OXR1: variants seen among roughly 807,000 people sequenced by gnomAD.
The protein encoded by OXR1 is oxidation resistance protein 1.
A neutral mutation model predicts 104.6 loss-of-function variants in OXR1; 41 were observed. That is an observed-to-expected ratio of 0.39 (90% CI 0.31 to 0.51). The LOEUF is 0.51. Ranked by LOEUF, OXR1 falls within the 20% of genes least tolerant of loss-of-function variation. The pLI is 0.77. For synonymous variants in OXR1, 348 were observed against 348.4 expected (o/e 1.00, Z 0.01); for missense variants, 955 against 1,031.9 (o/e 0.93, Z 1.02).
intron 1 of OXR1, among the ~76,000 whole-genome samples, chr8:106,304,964 G>A (rs1813412483): frequency 6.6e-6 from 1 of 151,982 alleles, no homozygotes; most frequent in African/African-American, 2.4e-5. Context: ...CTTATTTTTG[G>A]TTGAGAAAAA....
intron 2 of OXR1, among the ~76,000 whole-genome samples, chr8:106,448,349 A>G (rs1820116800): frequency 6.6e-6 from 1 of 152,160 alleles, no homozygotes; most frequent in Non-Finnish European, 1.5e-5. Flanking sequence ...TCGTATTTTT[A>G]AATGCTGTTT....
chr8:106,429,676 AT>A (rs1297983786), intron 2 of OXR1, among the ~76,000 whole-genome samples: 1 of 148,358 alleles, frequency 6.7e-6, no homozygotes, highest in African/African-American at 2.6e-5. Context: ...AAAAAAAAAA[AT>A]GCTTACTTTA....
chr8:106,277,007 A>G (rs954040697), intron 1 of OXR1, among the ~76,000 whole-genome samples: 20 of 152,276 alleles, frequency 1.3e-4, no homozygotes, highest in African/African-American at 4.6e-4. Flanking sequence ...AAGTTTATAG[A>G]TGTTTTTATA....
At chr8:106,667,506 A>G (rs1311547771) in intron 3 of OXR1, among the ~76,000 whole-genome samples, 1 of 152,176 alleles carries the variant, frequency 6.6e-6, no homozygotes, top group African/African-American at 2.4e-5. Context: ...GTGACTTACA[A>G]TGAAAAGTTC....
chr8:106,281,099 T>C (rs1812261373), intron 1 of OXR1, among the ~76,000 whole-genome samples: 1 of 152,060 alleles, frequency 6.6e-6, no homozygotes, highest in Non-Finnish European at 1.5e-5. Flanking sequence ...GCAGAAACTA[T>C]AGGGCCCACG....
At chr8:106,673,082 C>T (rs2131172233) in intron 3 of OXR1, among the ~76,000 whole-genome samples, 1 of 148,504 alleles carries the variant, frequency 6.7e-6, no homozygotes, top group East Asian at 1.9e-4. Context: ...AACTGGGTAA[C>T]AGGCAGAGGT....
chr8:106,428,889 C>T (rs950442112), intron 2 of OXR1, among the ~76,000 whole-genome samples: 2 of 152,064 alleles, frequency 1.3e-5, no homozygotes, highest in Admixed American at 6.6e-5. Context: ...ACAGTATATA[C>T]GAGACTCATG....
At chr8:106,329,503 A>G (rs556359345) in intron 1 of OXR1, among the ~76,000 whole-genome samples, 1 of 151,392 alleles carries the variant, frequency 6.6e-6, no homozygotes, top group South Asian at 2.1e-4. Flanking sequence ...GCCCTCCACC[A>G]CGCCTGGCTA....
At chr8:106,644,071 A>G (rs1475195853) in intron 3 of OXR1, among the ~76,000 whole-genome samples, 1 of 144,140 alleles carries the variant, frequency 6.9e-6, no homozygotes, top group Non-Finnish European at 1.5e-5. Context: ...AAAGATATTT[A>G]TTGAGAGAAT....
chr8:106,294,313 C>T (rs1445999273), intron 1 of OXR1, among the ~76,000 whole-genome samples: 4 of 143,650 alleles, frequency 2.8e-5, no homozygotes, highest in Non-Finnish European at 6.0e-5. Context: ...GGAGAATTAA[C>T]GTGAACTTGG....
chr8:106,669,119 A>G (rs1182895931), intron 3 of OXR1, among the ~76,000 whole-genome samples: 1 of 152,228 alleles, frequency 6.6e-6, no homozygotes, highest in Non-Finnish European at 1.5e-5. Flanking sequence ...GTATGAGACC[A>G]AGAGGAGTGT....
At chr8:106,715,253 C>A (rs1832119892) in intron 11 of OXR1, among the ~76,000 whole-genome samples, 1 of 151,578 alleles carries the variant, frequency 6.6e-6, no homozygotes, top group Non-Finnish European at 1.5e-5. Context: ...TTCAAAAGGG[C>A]AAAACTAGTC....
At chr8:106,467,638 C>T (rs1821244964) in intron 2 of OXR1, among the ~76,000 whole-genome samples, 1 of 151,854 alleles carries the variant, frequency 6.6e-6, no homozygotes, top group Non-Finnish European at 1.5e-5. Context: ...GACATTATCT[C>T]ATTAATCAAG....
At chr8:106,676,865 C>T (rs761904674) in intron 3 of OXR1, among the ~76,000 whole-genome samples, 1 of 151,814 alleles carries the variant, frequency 6.6e-6, no homozygotes, top group Non-Finnish European at 1.5e-5. Flanking sequence ...GTAATTATTG[C>T]ATAATATTTT....
At chr8:106,516,787 A>C (rs552670060) in intron 2 of OXR1, among the ~76,000 whole-genome samples, 2 of 152,302 alleles carry the variant, frequency 1.3e-5, no homozygotes, top group African/African-American at 4.8e-5. Context: ...TAAGAGAGAG[A>C]AAGAGAGAGA....
intron 9 of OXR1, among the ~76,000 whole-genome samples, chr8:106,709,018 C>G (rs1831434633): frequency 1.3e-5 from 2 of 151,872 alleles, no homozygotes; most frequent in African/African-American, 2.4e-5. Context: ...ATACTTGAAC[C>G]AAGTTCTATA....
chr8:106,496,938 G>A (rs919365849), intron 2 of OXR1, among the ~76,000 whole-genome samples: 1 of 152,140 alleles, frequency 6.6e-6, no homozygotes, highest in African/African-American at 2.4e-5. Context: ...AAGACTGGGA[G>A]GGTCAAGGAA....
At chr8:106,316,565 C>A (rs892027360) in intron 1 of OXR1, among the ~76,000 whole-genome samples, 2 of 152,112 alleles carry the variant, frequency 1.3e-5, no homozygotes, top group Non-Finnish European at 2.9e-5. Flanking sequence ...TAAATCACAT[C>A]CTTGTTTCCT....
At chr8:106,657,906 G>A (rs145249187) in intron 3 of OXR1, 1 of 1,246,580 alleles carries the variant, frequency 8.0e-7, no homozygotes, top group Non-Finnish European at 1.0e-6. Context: ...CTGATGGGCC[G>A]GTGGGCGCGC....
Sources: gnomAD v4.1 joint callset for allele counts (sites outside exome capture counted in the v4.1 genomes callset) on GRCh38, gnomAD v4.1.1 for gene constraint, MANE v1.5 for transcripts, NCBI Gene and HGNC (gene_info 2026-07-23, HGNC 2026-07-21) for gene names.